RHOU: variants seen among roughly 807,000 people sequenced by gnomAD.
The protein encoded by RHOU is ras homolog family member U, also known as rho-related GTP-binding protein RhoU.
A neutral mutation model predicts 12.6 loss-of-function variants in RHOU; 8 were observed. The observed-to-expected ratio is 0.64, with a 90% CI of 0.37 to 1.15. RHOU has a LOEUF of 1.15. Ranked by LOEUF, RHOU falls within the 50% of genes most tolerant of loss-of-function variation. RHOU has a pLI of 0.01. For missense variants in RHOU, 258 were observed against 347.0 expected, an observed-to-expected ratio of 0.74 and a Z score of 2.04; for synonymous variants, 161 against 147.4, an observed-to-expected ratio of 1.09 and a Z score of -0.67.
intron 1 of RHOU, 75 bp downstream of exon 1, chr1:228,736,079 T>G (rs1662604125): frequency 6.9e-7 from 1 of 1,458,436 alleles, no homozygotes; most frequent in South Asian, 1.3e-5. Context: ...GGCGCGAGGG[T>G]CGCGAGGTTC....
At chr1:228,716,149 C>T in the RHOU span, among the ~76,000 whole-genome samples, 1 of 152,116 alleles carries the variant, frequency 6.6e-6, no homozygotes. Flanking sequence ...AACTCCTAGG[C>T]TCAAGCGATC....
At chr1:228,697,319 A>C in the RHOU span, among the ~76,000 whole-genome samples, 2,439 of 152,326 alleles carry the variant, frequency 0.016, 20 homozygotes, top group East Asian at 0.031. Flanking sequence ...AACGCCCTGA[A>C]TATTCATTCC....
rs777841069 is a variant in RHOU at position 228,743,670 on chromosome 1, A to T, written c.707A>T (p.Lys236Ile). ...SDTQQQPKKS[K>I]SRTPDKMKNL... ...ACTCAGCAACAGCCAAAGAAGTCTA[A>T]AAGCAGGACTCCAGATAAAATGAAA... Residue 236 changes from lysine to isoleucine, a missense_variant, in exon 3 of 3, where the codon AAA (lysine) becomes ATA (isoleucine). Transcript: ENST00000366691. The surrounding 1 kb of genome is among the most constrained non-coding windows in gnomAD (Gnocchi z 5.1). 3.7e-6 allele frequency: 6 copies of T among 1,614,064 alleles called. No homozygotes were observed. The African/African-American group carries it at 8.0e-5, about 22-fold the overall frequency.
chr1:228,681,708 A>G, the RHOU span, among the ~76,000 whole-genome samples: 1 of 152,122 alleles, frequency 6.6e-6, no homozygotes, highest in Non-Finnish European at 1.5e-5. Flanking sequence ...GGAGAAGAAA[A>G]TAAGATGCTT....
chr1:228,650,577 C>T, the RHOU span: 1 of 455,736 alleles, frequency 2.2e-6, no homozygotes, highest in South Asian at 1.5e-5. Flanking sequence ...CACTGCTCGC[C>T]TGCCTGCCCT....
the RHOU span, among the ~76,000 whole-genome samples, chr1:228,646,644 GC>G: frequency 6.9e-6 from 1 of 144,996 alleles, no homozygotes; most frequent in Admixed American, 7.0e-5. Flanking sequence ...TTTGCCCCGG[GC>G]TGGCACTAGA....
chr1:228,680,699 G>T, the RHOU span, among the ~76,000 whole-genome samples: 1 of 152,162 alleles, frequency 6.6e-6, no homozygotes, highest in Non-Finnish European at 1.5e-5. Flanking sequence ...GTGACCTTCT[G>T]GTCCCTCTGG....
chr1:228,682,185 A>G, the RHOU span, among the ~76,000 whole-genome samples: 2 of 152,304 alleles, frequency 1.3e-5, no homozygotes, highest in South Asian at 4.1e-4. Flanking sequence ...GAGAGGCTGG[A>G]GAAGAGAGTG....
the RHOU span, among the ~76,000 whole-genome samples, chr1:228,656,688 T>C: frequency 1.3e-5 from 2 of 151,872 alleles, no homozygotes; most frequent in South Asian, 2.1e-4. Context: ...ATAGAATATA[T>C]ACAAAAGGAA....
At chr1:228,678,955 C>T in the RHOU span, among the ~76,000 whole-genome samples, 287 of 152,222 alleles carry the variant, frequency 1.9e-3, 1 homozygote, top group African/African-American at 6.7e-3. Context: ...GGGCGTGGTC[C>T]TGGCTCTTGT....
chr1:228,696,200 G>C, the RHOU span, among the ~76,000 whole-genome samples: 1 of 149,872 alleles, frequency 6.7e-6, no homozygotes, highest in African/African-American at 2.5e-5. Flanking sequence ...TATTTTTTCT[G>C]CATTATTTTA....
Position 228,743,294 on chromosome 1 carries a change from G to A in RHOU, c.331G>A (p.Asp111Asn), listed in dbSNP as rs1267895489. The A allele has an allele frequency of 1.2e-6, 2 of 1,611,208 alleles. No individual in the cohort carries two copies. Among genetic ancestry groups the A allele is most frequent in the Admixed American group, 3.3e-5 (2 of 59,958 alleles). ...CTTTGCTTGGTTGCAGGATGAATTTGACAAGCTGAGGCCTCTCTGCTACAC... is the reference window on the plus strand; with the variant it reads ...CTTTGCTTGGTTGCAGGATGAATTTAACAAGCTGAGGCCTCTCTGCTACAC... The part of the protein sequence containing the change: ...LCDTAGQDEF[D>N]KLRPLCYTNT... Residue 111 changes from aspartate to asparagine, a missense_variant, in exon 3 of 3, where the codon GAC becomes AAC. By Grantham distance (23) the Asp-to-Asn change is conservative. Coordinates refer to ENST00000366691, the MANE Select transcript of RHOU (RefSeq NM_021205.6). The surrounding 1 kb of genome is among the most constrained non-coding windows in gnomAD (Gnocchi z 5.1).
At chr1:228,723,258 C>T in the RHOU span, among the ~76,000 whole-genome samples, 1 of 152,110 alleles carries the variant, frequency 6.6e-6, no homozygotes. Flanking sequence ...AGAAGGAAGA[C>T]AGAAGGAAGA....
chr1:228,735,685 AG>A lies in RHOU; in HGVS notation c.-54del. 2 of 1,172,432 alleles carry A rather than the reference AG, an allele frequency of 1.7e-6. No individual in the cohort carries two copies. The highest frequency in any genetic ancestry group is 1.1e-6 in the Non-Finnish European group (1 of 948,424). 72.6% of individuals were successfully genotyped at this position (1,172,432 alleles called of 1,614,324 possible). On this transcript the variant is annotated 5_prime_UTR_variant, in exon 1 of 3. Coordinates refer to ENST00000366691, the MANE Select transcript of RHOU (RefSeq NM_021205.6). The surrounding 1 kb of genome is among the most constrained non-coding windows in gnomAD (Gnocchi z 8.1). Reference sequence around the variant, plus strand: ...TCCCTACCGCAACCCTCCGGGGCGGAGGGGCGGTCGGGCCGGGCCCTGCTAG... The same window carrying A: ...TCCCTACCGCAACCCTCCGGGGCGGAGGGCGGTCGGGCCGGGCCCTGCTAG...
chr1:228,670,112 A>C, the RHOU span, among the ~76,000 whole-genome samples: 3 of 152,332 alleles, frequency 2.0e-5, no homozygotes, highest in South Asian at 6.2e-4. Context: ...AGTTAACGGC[A>C]GTACTGGTAA....
At chr1:228,668,346 A>G in the RHOU span, among the ~76,000 whole-genome samples, 1 of 152,200 alleles carries the variant, frequency 6.6e-6, no homozygotes, top group African/African-American at 2.4e-5. Flanking sequence ...ACCTAAAAAG[A>G]GGGTTGTGGA....
At chr1:228,671,487 C>A in the RHOU span, among the ~76,000 whole-genome samples, 1 of 151,744 alleles carries the variant, frequency 6.6e-6, no homozygotes, top group African/African-American at 2.4e-5. Flanking sequence ...GAGGCCGAGG[C>A]AAGTGGATTA....
chr1:228,738,515 C>T lies in RHOU; in HGVS notation c.321+784C>T, dbSNP rs1270945195. Among the ~76,000 whole-genome samples the T allele has an allele frequency of 6.6e-6, 1 of 152,148 alleles. No individual in the cohort carries two copies. The highest frequency in any genetic ancestry group is 2.4e-5 in the African/African-American group (1 of 41,428). Reference sequence around the variant, plus strand: ...CTCTCTAGTATGTTCTAGAGTTCAGCAAAGTTCCGGGGGTACTTTGTAGGC... The same window carrying T: ...CTCTCTAGTATGTTCTAGAGTTCAGTAAAGTTCCGGGGGTACTTTGTAGGC... On this transcript the variant is annotated intron_variant, in intron 2 of 2. Coordinates refer to ENST00000366691, the MANE Select transcript of RHOU (RefSeq NM_021205.6). This position sits in a 1 kb window ranked among gnomAD's most constrained non-coding sequence, Gnocchi z 4.2.
the RHOU span, among the ~76,000 whole-genome samples, chr1:228,659,723 C>G: frequency 6.6e-6 from 1 of 151,938 alleles, no homozygotes; most frequent in Non-Finnish European, 1.5e-5. Context: ...GTGGCTCACA[C>G]CTGTAATCCC....
Sources: allele counts gnomAD v4.1 joint callset (sites outside exome capture counted in the v4.1 genomes callset), GRCh38; gene constraint gnomAD v4.1.1; non-coding constraint Gnocchi (gnomAD v3.1); transcripts MANE v1.5; gene names NCBI Gene and HGNC (gene_info 2026-07-23, HGNC 2026-07-21).